Variants in CSF2RA observed in about 807,000 individuals in gnomAD.
CSF2RA encodes the protein colony stimulating factor 2 receptor subunit alpha, also known as granulocyte-macrophage colony-stimulating factor receptor subunit alpha.
A neutral mutation model predicts 51.6 loss-of-function variants in CSF2RA; 42 were observed. The observed-to-expected ratio is 0.81, with a 90% CI of 0.64 to 1.05. The LOEUF (loss-of-function observed/expected upper bound fraction) is 1.05, where lower values mean the gene tolerates loss of function less well. Among genes scored for constraint, CSF2RA ranks in the 50% least tolerant of loss-of-function variants. CSF2RA has a pLI of 0.00. For missense variants in CSF2RA, 530 were observed against 501.1 expected, an observed-to-expected ratio of 1.06 and a Z score of -0.55; for synonymous variants, 222 against 193.0, an observed-to-expected ratio of 1.15 and a Z score of -1.24.
intron 10 of CSF2RA, among the ~76,000 whole-genome samples, chrX:1,301,815 C>T (rs1402042800): frequency 1.3e-5 from 2 of 150,400 alleles, no homozygotes; most frequent in Admixed American, 6.7e-5. Flanking sequence ...TGTTTTTTAG[C>T]CAGGATGGTC....
At chrX:1,284,118 G>T (rs1338683772) in intron 3 of CSF2RA, among the ~76,000 whole-genome samples, 1 of 149,918 alleles carries the variant, frequency 6.7e-6, no homozygotes, top group African/African-American at 2.5e-5. Flanking sequence ...AATTTGGGAA[G>T]TGTGTTCAGA....
intron 4 of CSF2RA, among the ~76,000 whole-genome samples, chrX:1,286,624 C>G (rs1271592905): frequency 6.6e-6 from 1 of 151,798 alleles, no homozygotes; most frequent in Non-Finnish European, 1.5e-5. Flanking sequence ...GGGCCACAGA[C>G]ACAAACAACA....
At chrX:1,290,112 G>C (rs867405760) in intron 6 of CSF2RA, among the ~76,000 whole-genome samples, 3 of 99,746 alleles carry the variant, frequency 3.0e-5, no homozygotes, top group Admixed American at 2.8e-4. Flanking sequence ...TTTTTGTTTT[G>C]TGTTTTGTGT....
intron 10 of CSF2RA, 36 bp from the exon 11 acceptor site, chrX:1,303,887 G>A (rs1236025082): frequency 3.3e-6 from 5 of 1,533,466 alleles, no homozygotes; most frequent in East Asian, 2.2e-5. Context: ...GTCCGTCAAC[G>A]ATTCACCGCA....
chrX:1,283,379 CCTT>C (rs1255805625), intron 3 of CSF2RA, among the ~76,000 whole-genome samples: 1 of 145,684 alleles, frequency 6.9e-6, no homozygotes, highest in Non-Finnish European at 1.5e-5. Flanking sequence ...TCCGTCCCTC[CCTT>C]CTTTCTTTCT....
chrX:1,309,195 A>G (rs1248347081), intron 12 of CSF2RA, among the ~76,000 whole-genome samples: 1 of 152,096 alleles, frequency 6.6e-6, no homozygotes, highest in African/African-American at 2.4e-5. Context: ...GGCGCCTGTA[A>G]TCCCAGCTAC....
chrX:1,293,466 G>A (rs1480098206), intron 7 of CSF2RA, among the ~76,000 whole-genome samples: 12 of 152,046 alleles, frequency 7.9e-5, no homozygotes, highest in Admixed American at 5.2e-4. Context: ...TGATCCTCCC[G>A]CCTCGGCCTC....
chrX:1,276,207 G>T (rs1435131892), intron 2 of CSF2RA, among the ~76,000 whole-genome samples: 8 of 145,898 alleles, frequency 5.5e-5, no homozygotes, highest in Non-Finnish European at 1.1e-4. Flanking sequence ...GTTTGTTTTT[G>T]TTTTTCAGTA....
intron 1 of CSF2RA, among the ~76,000 whole-genome samples, chrX:1,270,154 C>T (rs1428550347): frequency 3.9e-5 from 6 of 152,008 alleles, no homozygotes; most frequent in African/African-American, 1.4e-4. Context: ...GAGAGATGCT[C>T]CACTACAAGG....
downstream of CSF2RA, among the ~76,000 whole-genome samples, chrX:1,311,107 G>C (rs1430905906): frequency 4.0e-5 from 6 of 151,840 alleles, no homozygotes; most frequent in African/African-American, 1.5e-4. Flanking sequence ...AAGTTAGCTG[G>C]GTGTGGTGGC....
At chrX:1,302,153 T>C (rs1398794334) in intron 10 of CSF2RA, among the ~76,000 whole-genome samples, 8 of 151,794 alleles carry the variant, frequency 5.3e-5, no homozygotes, top group Non-Finnish European at 1.5e-5. Context: ...TGACCTCAGG[T>C]GATCTGCCCA....
At chrX:1,322,896 A>T in the CSF2RA span, among the ~76,000 whole-genome samples, 1 of 148,306 alleles carries the variant, frequency 6.7e-6, no homozygotes, top group South Asian at 2.2e-4. Flanking sequence ...TTGGGAGGCC[A>T]AGACAGGCAG....
At chrX:1,308,468 G>A (rs1328977693) in intron 12 of CSF2RA, among the ~76,000 whole-genome samples, 1 of 151,932 alleles carries the variant, frequency 6.6e-6, no homozygotes, top group Non-Finnish European at 1.5e-5. Flanking sequence ...GGTGACTAAG[G>A]GTGAGAGACT....
At chrX:1,295,539 G>C in intron 9 of CSF2RA, 83 bp downstream of exon 9, 1 of 1,139,600 alleles carries the variant, frequency 8.8e-7, no homozygotes, top group East Asian at 2.7e-5. Context: ...TAACTCTACA[G>C]TCCCCTACTC....
At chrX:1,286,909 G>C (rs767906136) in intron 4 of CSF2RA, among the ~76,000 whole-genome samples, 1 of 152,140 alleles carries the variant, frequency 6.6e-6, no homozygotes, top group East Asian at 1.9e-4. Flanking sequence ...AGGGTTTTTG[G>C]AACACAGGAG....
At chrX:1,286,073 G>A (rs1483634972) in intron 4 of CSF2RA, among the ~76,000 whole-genome samples, 153 bp downstream of exon 4, 1 of 152,070 alleles carries the variant, frequency 6.6e-6, no homozygotes, top group Non-Finnish European at 1.5e-5. Flanking sequence ...GGGAGTTCAA[G>A]ACCAGCCTGA....
downstream of CSF2RA, among the ~76,000 whole-genome samples, chrX:1,314,452 G>GCCCAATCC (rs1668312566): frequency 2.2e-5 from 1 of 44,680 alleles, no homozygotes; most frequent in Non-Finnish European, 4.0e-5. Context: ...TTGCCCAATT[G>GCCCAATCC]CACTGCACCT....
chrX:1,313,586 C>G (rs750252020), downstream of CSF2RA, among the ~76,000 whole-genome samples: 9 of 151,014 alleles, frequency 6.0e-5, no homozygotes, highest in African/African-American at 2.2e-4. Context: ...GTGGCAGGCA[C>G]CTATAATCCC....
At chrX:1,283,280 T>A (rs1242475036) in intron 3 of CSF2RA, among the ~76,000 whole-genome samples, 22 of 150,342 alleles carry the variant, frequency 1.5e-4, no homozygotes, top group Admixed American at 8.0e-4. Flanking sequence ...TCCCTCCTGA[T>A]TCATTTCTTC....
Sources: gnomAD v4.1 joint callset for allele counts (sites outside exome capture counted in the v4.1 genomes callset) on GRCh38, gnomAD v4.1.1 for gene constraint, MANE v1.5 for transcripts, NCBI Gene and HGNC (gene_info 2026-07-23, HGNC 2026-07-21) for gene names.